ISY1: variants seen among roughly 807,000 people sequenced by gnomAD.
ISY1 encodes the protein ISY1 spliceosome associated protein, also known as pre-mRNA-splicing factor ISY1 homolog.
ISY1 carries 12 observed loss-of-function variants against 54.4 expected under a neutral mutation model. That is an observed-to-expected ratio of 0.22 (90% CI 0.14 to 0.36). The LOEUF (loss-of-function observed/expected upper bound fraction) is 0.36. ISY1 is among the 10% of genes least tolerant of loss of function. ISY1 has a pLI of 1.00. For missense variants in ISY1, 282 were observed against 342.2 expected, an observed-to-expected ratio of 0.82 and a Z score of 1.39; for synonymous variants, 96 against 117.9, an observed-to-expected ratio of 0.81 and a Z score of 1.20.
chr3:129,159,808 T>C (rs372933811), intron 1 of ISY1, among the ~76,000 whole-genome samples: 11 of 152,316 alleles, frequency 7.2e-5, no homozygotes, highest in African/African-American at 2.4e-4. Context: ...ATCTTTACAA[T>C]AGAGATCATA....
chr3:129,133,922 GTAA>G, intron 9 of ISY1, 149 bp downstream of exon 9: 1 of 1,374,534 alleles, frequency 7.3e-7, no homozygotes, highest in Admixed American at 2.3e-5. Flanking sequence ...AAACCCTCCT[GTAA>G]TCTCGCAAGT....
intron 6 of ISY1, among the ~76,000 whole-genome samples, chr3:129,141,982 A>T (rs1227196031): frequency 6.6e-6 from 1 of 151,976 alleles, no homozygotes; most frequent in African/African-American, 2.4e-5. Context: ...AGGCGGGAAG[A>T]TCACCTGAGG....
intron 5 of ISY1, among the ~76,000 whole-genome samples, chr3:129,152,497 G>A (rs574388420): frequency 1.1e-3 from 160 of 151,830 alleles, no homozygotes; most frequent in African/African-American, 3.7e-3. Context: ...TCCGCCTCCC[G>A]GGTTCCAGCG....
intron 5 of ISY1, among the ~76,000 whole-genome samples, chr3:129,150,692 C>G (rs1440664491): frequency 6.6e-6 from 1 of 151,698 alleles, no homozygotes; most frequent in Non-Finnish European, 1.5e-5. Flanking sequence ...GAGCAAGACT[C>G]CATCTCAAAA....
chr3:129,159,273 C>G (rs1271713609), intron 1 of ISY1, 97 bp from the exon 2 acceptor site: 2 of 1,484,296 alleles, frequency 1.3e-6, no homozygotes, highest in African/African-American at 2.8e-5. Context: ...AGAATACAAT[C>G]ACAAGCAAAC....
Position 129,129,840 on chromosome 3 carries a change from A to G in ISY1, c.*241T>C, listed in dbSNP as rs993771001. 2 of 363,996 alleles carry G rather than the reference A, an allele frequency of 5.5e-6. No homozygotes were observed. Among genetic ancestry groups the G allele is most frequent in the Non-Finnish European group, 9.8e-6 (2 of 204,772 alleles). The allele number at this position is 363,996 out of a possible 1,614,324, so 22.5% of individuals were successfully genotyped here. ...ATAAGACACAGGCAGCCAGTTCGCAACCTGTTGTATACACTCCACAATAAA... is the reference window on the plus strand; with the variant it reads ...ATAAGACACAGGCAGCCAGTTCGCAGCCTGTTGTATACACTCCACAATAAA... On this transcript the variant is annotated 3_prime_UTR_variant, in exon 11 of 11. Transcript: ENST00000393295.
chr3:129,159,230 C>G, intron 1 of ISY1, 54 bp from the exon 2 acceptor site: 1 of 1,581,086 alleles, frequency 6.3e-7, no homozygotes, highest in Non-Finnish European at 8.5e-7. Flanking sequence ...ATATTTTTTT[C>G]TTGCCCTTTA....
At chr3:129,141,550 C>G (rs572296395) in intron 6 of ISY1, among the ~76,000 whole-genome samples, 1 of 151,684 alleles carries the variant, frequency 6.6e-6, no homozygotes, top group Non-Finnish European at 1.5e-5. Flanking sequence ...GTCAGGAGAC[C>G]GAGACCATCC....
At chr3:129,160,085 G>A (rs1016442546) in intron 1 of ISY1, among the ~76,000 whole-genome samples, 5 of 151,830 alleles carry the variant, frequency 3.3e-5, no homozygotes, top group African/African-American at 4.8e-5. Flanking sequence ...GAGTGCAGTG[G>A]CGCGATCTCG....
intron 7 of ISY1, 122 bp from the exon 8 acceptor site, chr3:129,135,076 C>G: frequency 7.6e-7 from 1 of 1,324,114 alleles, no homozygotes; most frequent in Admixed American, 2.8e-5. Flanking sequence ...CAGGTGGGCG[C>G]AGTGGCTCAT....
At chr3:129,151,537 G>A (rs1313966716) in intron 5 of ISY1, among the ~76,000 whole-genome samples, 3 of 151,652 alleles carry the variant, frequency 2.0e-5, no homozygotes, top group Non-Finnish European at 2.9e-5. Flanking sequence ...GCTGAGGCAG[G>A]AGAATCGCTT....
chr3:129,131,111 A>C (rs1237573669), intron 9 of ISY1, among the ~76,000 whole-genome samples: 1 of 152,232 alleles, frequency 6.6e-6, no homozygotes, highest in Non-Finnish European at 1.5e-5. Flanking sequence ...GTGGCGAGTC[A>C]GGAGTCCACT....
chr3:129,140,540 T>C, intron 6 of ISY1, 55 bp from the exon 7 acceptor site: 1 of 1,421,724 alleles, frequency 7.0e-7, no homozygotes, highest in Middle Eastern at 1.8e-4. Flanking sequence ...AGTTAGTTAT[T>C]ATTTATTTAT....
At chr3:129,130,430 G>T in intron 10 of ISY1, 120 bp downstream of exon 10, 1 of 1,292,986 alleles carries the variant, frequency 7.7e-7, no homozygotes, top group Non-Finnish European at 1.1e-6. Context: ...GGTGTCATGT[G>T]GTCAGGACCC....
chr3:129,157,761 T>C (rs1282635346), intron 3 of ISY1, among the ~76,000 whole-genome samples: 1 of 134,122 alleles, frequency 7.5e-6, no homozygotes, highest in African/African-American at 2.8e-5. Flanking sequence ...GTCATCATAA[T>C]ACAGAAGAAA....
chr3:129,146,753 T>A (rs534484285), intron 5 of ISY1, among the ~76,000 whole-genome samples: 53 of 152,314 alleles, frequency 3.5e-4, no homozygotes, highest in African/African-American at 1.3e-3. Flanking sequence ...CTGGATAGTC[T>A]ATTTTTTTAA....
chr3:129,129,823 C>A lies in ISY1; in HGVS notation c.*258G>T, dbSNP rs541903463. On this transcript the variant is annotated 3_prime_UTR_variant, in exon 11 of 11. Coordinates refer to ENST00000393295, the MANE Select transcript of ISY1 (RefSeq NM_020701.4). ...TGGCAGTGCAAGTCAAAATAAGACACAGGCAGCCAGTTCGCAACCTGTTGT... is the reference window on the plus strand; with the variant it reads ...TGGCAGTGCAAGTCAAAATAAGACAAAGGCAGCCAGTTCGCAACCTGTTGT... 2.6e-4 allele frequency: 88 copies of A among 344,148 alleles called. No individual in the cohort carries two copies. The highest frequency in any genetic ancestry group is 1.6e-3 in the African/African-American group (74 of 47,636). The allele number at this position is 344,148 out of a possible 1,614,324, so 21.3% of individuals were successfully genotyped here. A position where few individuals can be genotyped will look rare whatever the true frequency, so the allele number is the denominator to read the frequency against.
At chr3:129,130,281 C>T (rs2107598126) in intron 10 of ISY1, 93 bp from the exon 11 acceptor site, 2 of 1,469,198 alleles carry the variant, frequency 1.4e-6, no homozygotes, top group East Asian at 4.7e-5. Flanking sequence ...GGGAGAAGTC[C>T]ATCAAGGAGT....
intron 7 of ISY1, among the ~76,000 whole-genome samples, chr3:129,139,361 A>G (rs1936536371): frequency 6.6e-6 from 1 of 152,252 alleles, no homozygotes. Context: ...ATTTTAAAAT[A>G]AGCAGCATTT....
Sources: allele counts gnomAD v4.1 joint callset (sites outside exome capture counted in the v4.1 genomes callset), GRCh38; gene constraint gnomAD v4.1.1; transcripts MANE v1.5; gene names NCBI Gene and HGNC (gene_info 2026-07-23, HGNC 2026-07-21).